ZNF114: variants seen among roughly 807,000 people sequenced by gnomAD.
ZNF114 encodes zinc finger protein 114 (Y18).
In ZNF114, 8 loss-of-function variants were observed where a neutral mutation model predicts 6.8. The ratio of observed to expected loss-of-function variants is 1.18; its 90% CI spans 0.69 to 2.13. The LOEUF (loss-of-function observed/expected upper bound fraction) is 2.13, where lower values mean the gene tolerates loss of function less well. Ranked by LOEUF, ZNF114 falls within the 30% of genes most tolerant of loss-of-function variation. ZNF114 has a pLI of 0.00. For synonymous variants in ZNF114, 169 were observed against 185.5 expected (o/e 0.91, Z 0.72); for missense variants, 472 against 519.5 (o/e 0.91, Z 0.89).
chr19:48,287,508 A>AG lies in ZNF114; in HGVS notation c.*630_*631insG, dbSNP rs1600849466. 6.6e-6 allele frequency: 1 copy of AG among 151,906 alleles called. No individual in the cohort carries two copies. Among genetic ancestry groups the AG allele is most frequent in the Non-Finnish European group, 1.5e-5 (1 of 67,990 alleles). The allele number at this position is 151,906 out of a possible 1,614,324, so 9.4% of individuals were successfully genotyped here. ...CGAGACTCCGTCTCAAAAAAAAAAA[A>AG]AAGTAGGAAAGACCTCTTTAAACAC... On this transcript the variant is annotated 3_prime_UTR_variant, in exon 6 of 6. Coordinates refer to ENST00000595607, the MANE Select transcript of ZNF114 (RefSeq NM_153608.4).
At position 48,271,373 on chromosome 19, in the gene ZNF114, G is replaced by C. The variant is rs1184358055; in HGVS notation, c.-248G>C. On this transcript the variant is annotated 5_prime_UTR_variant, in exon 2 of 6. The change abolishes the stop of an existing upstream ORF in the 5' untranslated region. Transcript: ENST00000595607. ...GCGCGCTTCCCAGCTGGAGAGCCTAGGAACGGTGGCGCGGGCGGAGGCGAC... is the reference window on the plus strand; with the variant it reads ...GCGCGCTTCCCAGCTGGAGAGCCTACGAACGGTGGCGCGGGCGGAGGCGAC... 4 of 152,378 alleles carry C rather than the reference G, an allele frequency of 2.6e-5. No individual in the cohort carries two copies. Among genetic ancestry groups the C allele is most frequent in the Non-Finnish European group, 5.9e-5 (4 of 68,174 alleles). 9.4% of individuals were successfully genotyped at this position (152,378 alleles called of 1,614,324 possible).
rs780688357 is a variant in ZNF114 at position 48,282,475 on chromosome 19, T to G, written c.114T>G (p.Asn38Lys). The change falls in exon 5 of 6, where the codon AAT becomes AAG. Residue 38 changes from asparagine to lysine, a missense_variant. Coordinates refer to ENST00000595607, the MANE Select transcript of ZNF114 (RefSeq NM_153608.4). The part of the protein sequence containing the change: ...RNLYRDVMLE[N>K]SRNLAFIDWA... ...TCTACAGAGACGTGATGCTGGAAAA[T>G]TCTAGGAACTTGGCATTCATAGGTA... 1 of 1,609,028 alleles carries G rather than the reference T, an allele frequency of 6.2e-7. No homozygotes were observed. Among genetic ancestry groups the G allele is most frequent in the Non-Finnish European group, 8.5e-7 (1 of 1,176,702 alleles).
chr19:48,285,821 G>T lies in ZNF114; in HGVS notation c.197G>T (p.Arg66Ile). ...ATPQPDILPK[R>I]TFPEANRVCL... Reference sequence around the variant, plus strand: ...CCTCAGCCGGATATTCTTCCTAAAAGAACATTTCCTGAAGCCAACAGAGTG... The same window carrying T: ...CCTCAGCCGGATATTCTTCCTAAAATAACATTTCCTGAAGCCAACAGAGTG... The change falls in exon 6 of 6, where the codon AGA (arginine) becomes ATA (isoleucine). Residue 66 changes from arginine (R) to isoleucine (I), a missense_variant. Physicochemically the swap from Arg to Ile is moderately conservative, Grantham distance 97. Coordinates refer to ENST00000595607, the MANE Select transcript of ZNF114 (RefSeq NM_153608.4). The T allele has an allele frequency of 1.2e-6, 2 of 1,613,998 alleles. No individual in the cohort carries two copies. The highest frequency in any genetic ancestry group is 1.7e-6 in the Non-Finnish European group (2 of 1,179,986).
At position 48,286,250 on chromosome 19, in the gene ZNF114, A is replaced by C; in HGVS notation, c.626A>C (p.His209Pro). The C allele has an allele frequency of 6.2e-7, 1 of 1,614,198 alleles. No individual in the cohort carries two copies. Among genetic ancestry groups the C allele is most frequent in the Non-Finnish European group, 8.5e-7 (1 of 1,180,036 alleles). ...TWTGSQNTVH[H>P]IRDEIDTGAN... is the part of the protein sequence containing the mutation. ...ACTGGCAGTCAGAACACTGTGCATC[A>C]TATACGTGATGAAATTGATACGGGG... Residue 209 changes from histidine to proline, a missense_variant, in exon 6 of 6, where the codon CAT (histidine) becomes CCT (proline). Transcript: ENST00000595607.
intron 1 of ZNF114, among the ~76,000 whole-genome samples, chr19:48,270,437 A>AAAGG (rs1234441552): frequency 2.0e-5 from 3 of 146,614 alleles, no homozygotes; most frequent in Non-Finnish European, 4.5e-5. Context: ...AAAAAATAAA[A>AAAGG]AAGGAAGGAA....
chr19:48,281,741 T>G (rs2147292481), intron 4 of ZNF114: 1 of 151,842 alleles, frequency 6.6e-6, no homozygotes, highest in Non-Finnish European at 1.5e-5. Flanking sequence ...CCCAAGCTGG[T>G]CTTGAACTCC....
At chr19:48,270,582 A>G (rs973320889) in intron 1 of ZNF114, among the ~76,000 whole-genome samples, 1 of 149,298 alleles carries the variant, frequency 6.7e-6, no homozygotes, top group African/African-American at 2.5e-5. Flanking sequence ...AGAAAGAAGA[A>G]AGAAAGAAAG....
intron 3 of ZNF114, among the ~76,000 whole-genome samples, chr19:48,273,789 G>T (rs1173546583): frequency 2.1e-4 from 29 of 137,292 alleles, no homozygotes; most frequent in African/African-American, 7.9e-4. Flanking sequence ...ACGGAGTCTC[G>T]CTCTGTCGCC....
chr19:48,279,562 TGTGGGTGTGTGGGTGG>T (rs1967937915), intron 3 of ZNF114, among the ~76,000 whole-genome samples, 153 bp from the exon 4 acceptor site: 1 of 26,416 alleles, frequency 3.8e-5, no homozygotes, highest in African/African-American at 1.7e-4. Context: ...GATGGGGGTG[TGTGGGTGTGTGGGTGG>T]GTGGGTGTAG....
intron 5 of ZNF114, among the ~76,000 whole-genome samples, chr19:48,284,622 G>A (rs148796346): frequency 1.4e-3 from 220 of 152,148 alleles, no homozygotes; most frequent in African/African-American, 4.9e-3. Flanking sequence ...GTAGAGACGG[G>A]GCTTCACCAC....
At chr19:48,272,673 C>CAAAAAAA (rs57823987) in intron 3 of ZNF114, among the ~76,000 whole-genome samples, 2,470 of 39,250 alleles carry the variant, frequency 0.063, 356 homozygotes, top group Non-Finnish European at 0.078. Context: ...GACTCTCTCT[C>CAAAAAAA]AAAAAAAAAA....
At position 48,287,531 on chromosome 19, in the gene ZNF114, C is replaced by G. The variant is rs1968165699; in HGVS notation, c.*653C>G. ...AAAAAGTAGGAAAGACCTCTTTAAA[C>G]ACTTACCACTCATGTTGCATGTGAA... On this transcript the variant is annotated 3_prime_UTR_variant, in exon 6 of 6. Transcript: ENST00000595607. 1 of 151,348 alleles carries G rather than the reference C, an allele frequency of 6.6e-6. No homozygotes were observed. Among genetic ancestry groups the G allele is most frequent in the Non-Finnish European group, 1.5e-5 (1 of 67,906 alleles). The allele number at this position is 151,348 out of a possible 1,614,324, so 9.4% of individuals were successfully genotyped here.
intron 4 of ZNF114, among the ~76,000 whole-genome samples, chr19:48,280,278 A>G (rs897850597): frequency 3.3e-5 from 5 of 152,058 alleles, no homozygotes; most frequent in Non-Finnish European, 7.4e-5. Flanking sequence ...CAGCTACTTA[A>G]GAGGCTGAGG....
intron 4 of ZNF114, 183 bp from the exon 5 acceptor site, chr19:48,282,188 G>A (rs1478383408): frequency 2.0e-5 from 14 of 699,878 alleles, no homozygotes; most frequent in South Asian, 6.0e-5. Flanking sequence ...GTGAGCCACC[G>A]CGCCCGGCCA....
At chr19:48,280,410 G>C (rs1354391563) in intron 4 of ZNF114, among the ~76,000 whole-genome samples, 1 of 151,862 alleles carries the variant, frequency 6.6e-6, no homozygotes, top group Non-Finnish European at 1.5e-5. Flanking sequence ...AAAATAAAAA[G>C]AAAGTGTTTT....
In ZNF114 at chr19:48,286,938, T is replaced by TG; in HGVS notation, c.*60_*61insG. Reference sequence around the variant, plus strand: ...CTGTACCAAACATGTGAGGAGGACATATTGGAAGGGAGCTCAAGGGGTTAG... The same window carrying TG: ...CTGTACCAAACATGTGAGGAGGACATGATTGGAAGGGAGCTCAAGGGGTTAG... On this transcript the variant is annotated 3_prime_UTR_variant, in exon 6 of 6. Coordinates refer to ENST00000595607, the MANE Select transcript of ZNF114 (RefSeq NM_153608.4). The TG allele has an allele frequency of 6.7e-7, 1 of 1,503,628 alleles. No individual in the cohort carries two copies. The highest frequency in any genetic ancestry group is 8.9e-7 in the Non-Finnish European group (1 of 1,128,400). 93.1% of individuals were successfully genotyped at this position (1,503,628 alleles called of 1,614,324 possible). A position where few individuals can be genotyped will look rare whatever the true frequency, so the allele number is the denominator to read the frequency against.
intron 5 of ZNF114, among the ~76,000 whole-genome samples, chr19:48,284,780 C>T (rs1968075673): frequency 6.6e-6 from 1 of 152,186 alleles, no homozygotes; most frequent in East Asian, 1.9e-4. Flanking sequence ...TTCATTTTTC[C>T]CTGCTAAAGG....
chr19:48,279,334 G>C (rs1226902500), intron 3 of ZNF114, among the ~76,000 whole-genome samples: 1 of 148,308 alleles, frequency 6.7e-6, no homozygotes, highest in East Asian at 2.0e-4. Flanking sequence ...GAAGTTTGAG[G>C]CTGTAGTGAG....
chr19:48,284,824 G>GGCCGGGCGCGGTGGCTCACGCCTGTAATC, intron 5 of ZNF114, among the ~76,000 whole-genome samples: 1 of 152,080 alleles, frequency 6.6e-6, no homozygotes, highest in African/African-American at 2.4e-5. Context: ...TGCACATGGA[G>GGCCGGGCGCGGTGGCTCACGCCTGTAATC]CCAGCTACTC....
Sources: allele counts gnomAD v4.1 joint callset (sites outside exome capture counted in the v4.1 genomes callset), GRCh38; gene constraint gnomAD v4.1.1; transcripts MANE v1.5; gene names NCBI Gene and HGNC (gene_info 2026-07-23, HGNC 2026-07-21).